Variants in PDLIM5 observed in about 807,000 individuals in gnomAD.
The protein encoded by PDLIM5 is PDZ and LIM domain protein 5.
PDLIM5 carries 34 observed loss-of-function variants against 64.2 expected under a neutral mutation model. The observed-to-expected ratio is 0.53, with a 90% CI of 0.40 to 0.71. The LOEUF (loss-of-function observed/expected upper bound fraction) is 0.71, where lower values mean the gene tolerates loss of function less well. PDLIM5 is among the 30% of genes least tolerant of loss of function. The pLI, the probability that PDLIM5 is intolerant of heterozygous loss-of-function variation, is 0.00. For synonymous variants in PDLIM5, 253 were observed against 269.1 expected (o/e 0.94, Z 0.59); for missense variants, 683 against 733.6 (o/e 0.93, Z 0.80).
At chr4:94,539,313 G>T (rs2110177687) in intron 3 of PDLIM5, among the ~76,000 whole-genome samples, 1 of 152,222 alleles carries the variant, frequency 6.6e-6, no homozygotes, top group Non-Finnish European at 1.5e-5. Context: ...CATTTGCAGT[G>T]TAGAAAAACT....
intron 7 of PDLIM5, among the ~76,000 whole-genome samples, chr4:94,617,399 C>T (rs1055096191): frequency 1.3e-5 from 2 of 151,914 alleles, no homozygotes; most frequent in Non-Finnish European, 1.5e-5. Flanking sequence ...ACTGGGTGTT[C>T]TGTTAGGCAA....
chr4:94,574,498 C>CAAA (rs70946534), intron 4 of PDLIM5, among the ~76,000 whole-genome samples: 154 of 96,388 alleles, frequency 1.6e-3, no homozygotes, highest in Admixed American at 2.1e-3. Flanking sequence ...ACTCCTGTCT[C>CAAA]AAAAAAAAAA....
At chr4:94,626,817 C>T (rs971311561) in intron 8 of PDLIM5, among the ~76,000 whole-genome samples, 3 of 151,036 alleles carry the variant, frequency 2.0e-5, no homozygotes, top group African/African-American at 7.3e-5. Flanking sequence ...GTGAGAAAGA[C>T]TCAAATATAT....
intron 3 of PDLIM5, among the ~76,000 whole-genome samples, chr4:94,560,873 C>A (rs1733778269): frequency 1.3e-5 from 2 of 152,140 alleles, no homozygotes; most frequent in South Asian, 4.2e-4. Context: ...ACTACAGTCG[C>A]CCGCCACCAC....
chr4:94,627,728 A>G (rs1199524423), intron 8 of PDLIM5, among the ~76,000 whole-genome samples: 1 of 152,242 alleles, frequency 6.6e-6, no homozygotes, highest in African/African-American at 2.4e-5. Flanking sequence ...GGCTCTTTAC[A>G]GAAAAAGTTT....
chr4:94,605,228 AAAAG>A (rs1397518577), intron 7 of PDLIM5, among the ~76,000 whole-genome samples: 1 of 152,176 alleles, frequency 6.6e-6, no homozygotes, highest in African/African-American at 2.4e-5. Flanking sequence ...AGGGGATAGA[AAAAG>A]AATTCTTCTT....
intron 8 of PDLIM5, among the ~76,000 whole-genome samples, chr4:94,619,815 A>G (rs754770888): frequency 7.2e-5 from 11 of 152,056 alleles, no homozygotes; most frequent in Non-Finnish European, 1.3e-4. Flanking sequence ...TAGAGGTGGA[A>G]TATCACTATA....
chr4:94,631,329 C>T (rs1740133132), intron 8 of PDLIM5, among the ~76,000 whole-genome samples: 1 of 152,180 alleles, frequency 6.6e-6, no homozygotes, highest in South Asian at 2.1e-4. Context: ...TGGCTAAAAA[C>T]TTTGGGCAGT....
chr4:94,523,701 C>T, intron 2 of PDLIM5, 23 bp from the exon 3 acceptor site: 1 of 1,593,104 alleles, frequency 6.3e-7, no homozygotes, highest in Non-Finnish European at 8.6e-7. Flanking sequence ...AGTGACACTC[C>T]TAATGAAATA....
chr4:94,462,375 T>C (rs1723975303), intron 2 of PDLIM5, among the ~76,000 whole-genome samples: 1 of 152,176 alleles, frequency 6.6e-6, no homozygotes, highest in African/African-American at 2.4e-5. Context: ...ACTTTTTTTT[T>C]TGGCATTTTG....
At chr4:94,540,282 T>C (rs1437121340) in intron 3 of PDLIM5, among the ~76,000 whole-genome samples, 3 of 152,094 alleles carry the variant, frequency 2.0e-5, no homozygotes, top group Non-Finnish European at 2.9e-5. Context: ...CATGCCCGGC[T>C]AATTTTTTTG....
chr4:94,472,928 G>A (rs1578212237), intron 2 of PDLIM5, among the ~76,000 whole-genome samples: 4 of 152,218 alleles, frequency 2.6e-5, no homozygotes, highest in Non-Finnish European at 4.4e-5. Context: ...ATAAAACAAA[G>A]TCTGTGCCCT....
intron 3 of PDLIM5, among the ~76,000 whole-genome samples, chr4:94,570,841 A>G (rs1270478468): frequency 6.6e-6 from 1 of 152,180 alleles, no homozygotes; most frequent in African/African-American, 2.4e-5. Flanking sequence ...ATAGAAGATG[A>G]GGCAAACACC....
chr4:94,663,882 G>T, intron 12 of PDLIM5, 96 bp from the exon 13 acceptor site: 1 of 1,277,628 alleles, frequency 7.8e-7, no homozygotes, highest in Non-Finnish European at 1.1e-6. Flanking sequence ...ATTATCCATT[G>T]GGGGGAAAAA....
intron 2 of PDLIM5, among the ~76,000 whole-genome samples, chr4:94,507,208 A>G (rs1430061621): frequency 3.3e-5 from 5 of 151,872 alleles, no homozygotes; most frequent in Non-Finnish European, 5.9e-5. Flanking sequence ...ATTCTCCCCA[A>G]TAAATTCCCA....
Position 94,664,058 on chromosome 4 carries a change from G to A in PDLIM5, c.1782G>A (p.Val594=). 1 of 1,600,018 alleles carries A rather than the reference G, an allele frequency of 6.2e-7. No individual in the cohort carries two copies. Among genetic ancestry groups the A allele is most frequent in the Non-Finnish European group, 8.5e-7 (1 of 1,171,638 alleles). ...TGTGTAAGAAACATGCTCATTCTGT[G>A]AATTTTTGAAAGTCAACAGTTCAGG... ...KPLCKKHAHS[V]NF is the part of the protein sequence containing the mutation. The change falls in exon 13 of 13, where the codon GTG becomes GTA. Residue 594 remains valine, a synonymous_variant. Coordinates refer to ENST00000317968, the MANE Select transcript of PDLIM5 (RefSeq NM_006457.5).
chr4:94,459,402 G>GTTATCCT (rs1489153690), intron 2 of PDLIM5, among the ~76,000 whole-genome samples: 2 of 152,290 alleles, frequency 1.3e-5, no homozygotes, highest in East Asian at 3.9e-4. Context: ...GTTAGGGGAG[G>GTTATCCT]ATAAATTGTT....
In PDLIM5 at chr4:94,666,140, ATCACT is replaced by A; in HGVS notation, c.*2076_*2080del. On this transcript the variant is annotated 3_prime_UTR_variant, in exon 13 of 13. Coordinates refer to ENST00000317968, the MANE Select transcript of PDLIM5 (RefSeq NM_006457.5). ...TCCTGCCCCATCACTCACTTACGAC[ATCACT>A]TCCATTGTGTGCATGTTTGTTATAG... 1 of 789,040 alleles carries A rather than the reference ATCACT, an allele frequency of 1.3e-6. No homozygotes were observed. Among genetic ancestry groups the A allele is most frequent in the Non-Finnish European group, 2.0e-6 (1 of 498,160 alleles). The allele number at this position is 789,040 out of a possible 1,614,324, so 48.9% of individuals were successfully genotyped here.
At chr4:94,483,206 C>G (rs1249416658) in intron 2 of PDLIM5, among the ~76,000 whole-genome samples, 1 of 151,964 alleles carries the variant, frequency 6.6e-6, no homozygotes, top group African/African-American at 2.4e-5. Context: ...AAATTAGTTT[C>G]AAAATAAGAG....
Sources: allele counts gnomAD v4.1 joint callset (sites outside exome capture counted in the v4.1 genomes callset), GRCh38; gene constraint gnomAD v4.1.1; transcripts MANE v1.5; gene names NCBI Gene and HGNC (gene_info 2026-07-23, HGNC 2026-07-21).